The following CLCN1 variants were observed in gnomAD, a reference collection of about 807,000 sequenced individuals.
The protein encoded by CLCN1 is chloride voltage-gated channel 1, also known as chloride channel protein 1.
CLCN1 carries 100 observed loss-of-function variants against 114.5 expected under a neutral mutation model. That is an observed-to-expected ratio of 0.87 (90% CI 0.74 to 1.03). The LOEUF (loss-of-function observed/expected upper bound fraction) is 1.03, where lower values mean the gene tolerates loss of function less well. Ranked by LOEUF, CLCN1 falls within the 50% of genes least tolerant of loss-of-function variation. The probability of loss-of-function intolerance (pLI) is 0.00; values close to 1 mark genes in which losing one functional copy is unlikely to be tolerated. For missense variants in CLCN1, 1,188 were observed against 1,250.0 expected, an observed-to-expected ratio of 0.95 and a Z score of 0.75; for synonymous variants, 485 against 487.1, an observed-to-expected ratio of 1.00 and a Z score of 0.06.
Position 143,339,484 on chromosome 7 carries a change from C to G in CLCN1, c.1472-27C>G. On this transcript the variant is annotated intron_variant, in intron 13 of 22. Transcript: ENST00000343257. This position sits in a 1 kb window ranked among gnomAD's most constrained non-coding sequence, Gnocchi z 4.1. ...AGCAAGGAACTTGGATCTCGTAACA[C>G]CTTCCTTCCTTTTATCTTCCCTCTA... is the stretch of plus-strand genomic sequence containing the variant. 3 of 1,559,314 alleles carry G rather than the reference C, an allele frequency of 1.9e-6. No homozygotes were observed. Among genetic ancestry groups the G allele is most frequent in the East Asian group, 2.2e-5 (1 of 44,668 alleles).
At position 143,331,283 on chromosome 7, in the gene CLCN1, A is replaced by G. The variant is rs762751787; in HGVS notation, c.1031A>G (p.Asp344Gly). 1.9e-5 allele frequency: 31 copies of G among 1,613,514 alleles called. No individual in the cohort carries two copies. Among genetic ancestry groups the G allele is most frequent in the Admixed American group, 3.3e-5 (2 of 60,014 alleles). Residue 344 changes from aspartate (D) to glycine (G), a missense_variant, in exon 9 of 23, where the codon GAC (aspartate) becomes GGC (glycine). Coordinates refer to ENST00000343257, the MANE Select transcript of CLCN1 (RefSeq NM_000083.3). ...RTNFRMDFPFDLKELPAFAAI... is the reference protein window; with the variant it reads ...RTNFRMDFPFGLKELPAFAAI... ...AATTTCCGAATGGATTTCCCCTTTG[A>G]CCTGAAGGAACTACCAGCTTTTGCT...
In CLCN1 at chr7:143,336,568, T is replaced by C. The variant is rs1325330988; in HGVS notation, c.1402-2685T>C. On this transcript the variant is annotated intron_variant, in intron 12 of 22. Coordinates refer to ENST00000343257, the MANE Select transcript of CLCN1 (RefSeq NM_000083.3). Reference sequence around the variant, plus strand: ...GAGGTGGCAGTGAGCTGACACACCATTGCACTCCAGCCTGGGTGACAGAAC... The same window carrying C: ...GAGGTGGCAGTGAGCTGACACACCACTGCACTCCAGCCTGGGTGACAGAAC... 6.1e-5 allele frequency among the ~76,000 whole-genome samples: 8 copies of C among 131,490 alleles called. No homozygotes were observed. In the East Asian group the frequency reaches 1.7e-3, roughly 29 times the overall value. The allele number at this position is 131,490 out of a possible 152,430, so 86.3% of individuals were successfully genotyped here.
chr7:143,336,367 T>G (rs1802890816), intron 12 of CLCN1, among the ~76,000 whole-genome samples: 1 of 150,978 alleles, frequency 6.6e-6, no homozygotes, highest in Non-Finnish European at 1.5e-5. Context: ...CCCAGCACTT[T>G]GGGAGGCCAA....
At chr7:143,332,901 T>C (rs1235426990) in intron 12 of CLCN1, 28 bp downstream of exon 12, 2 of 1,612,356 alleles carry the variant, frequency 1.2e-6, no homozygotes, top group Non-Finnish European at 1.7e-6. Context: ...AGCAACACCC[T>C]AAACCTCCAT....
chr7:143,316,720 C>T (rs73726613), intron 1 of CLCN1, among the ~76,000 whole-genome samples: 2 of 152,190 alleles, frequency 1.3e-5, no homozygotes, highest in East Asian at 3.8e-4. Flanking sequence ...GGAGCCCACA[C>T]TGCAGTGTGC....
rs1459111543 is a variant in CLCN1, at chr7:143,321,320, C to T, written c.434-45C>T. The T allele has an allele frequency of 1.2e-6, 2 of 1,611,770 alleles. No individual in the cohort carries two copies. The highest frequency in any genetic ancestry group is 1.3e-5 in the African/African-American group (1 of 74,864). On this transcript the variant is annotated intron_variant, in intron 3 of 22. Transcript: ENST00000343257. This position sits in a 1 kb window ranked among gnomAD's most constrained non-coding sequence, Gnocchi z 4.2. Reference sequence around the variant, plus strand: ...ACACGTCCTGGTGCCGTGGACACGGCTGCTCAGCCATGTTCTGCCTAACCC... The same window carrying T: ...ACACGTCCTGGTGCCGTGGACACGGTTGCTCAGCCATGTTCTGCCTAACCC...
chr7:143,339,121 A>T lies in CLCN1; in HGVS notation c.1402-132A>T. 1.3e-6 allele frequency: 1 copy of T among 772,764 alleles called. No homozygotes were observed. The highest frequency in any genetic ancestry group is 2.4e-6 in the Non-Finnish European group (1 of 420,140). The allele number at this position is 772,764 out of a possible 1,614,324, so 47.9% of individuals were successfully genotyped here. A position where few individuals can be genotyped will look rare whatever the true frequency, so the allele number is the denominator to read the frequency against. ...CTTTTGTTTCTGGAAGAAGGGTGAC[A>T]GACAAAGTGACTTTCAGAAGGATCA... On this transcript the variant is annotated intron_variant, in intron 12 of 22. Coordinates refer to ENST00000343257, the MANE Select transcript of CLCN1 (RefSeq NM_000083.3). The surrounding 1 kb of genome is among the most constrained non-coding windows in gnomAD (Gnocchi z 4.1).
rs1357866514 is a variant in CLCN1 at position 143,341,595 on chromosome 7, ATTTT to A, written c.1583-333_1583-330del. Among the ~76,000 whole-genome samples the A allele has an allele frequency of 9.7e-5, 8 of 82,382 alleles. No individual in the cohort carries two copies. In the South Asian group the frequency reaches 1.5e-3, roughly 16 times the overall value. The allele number at this position is 82,382 out of a possible 152,430, so 54.0% of individuals were successfully genotyped here. A position where few individuals can be genotyped will look rare whatever the true frequency, so the allele number is the denominator to read the frequency against. On this transcript the variant is annotated intron_variant, in intron 14 of 22. Transcript: ENST00000343257. Reference sequence around the variant, plus strand: ...ATTAATAATAATAATAATAATAATAATTTTAAAAAATAATAAAATAAAATGCTCA... The same window carrying A: ...ATTAATAATAATAATAATAATAATAAAAAAAATAATAAAATAAAATGCTCA...
intron 7 of CLCN1, among the ~76,000 whole-genome samples, chr7:143,327,407 G>C (rs553136753): frequency 7.9e-5 from 12 of 152,190 alleles, no homozygotes; most frequent in African/African-American, 2.9e-4. Context: ...AATACTGTCG[G>C]GGTGAATTAA....
chr7:143,351,935 C>T lies in CLCN1; in HGVS notation c.2937C>T (p.Asp979=), dbSNP rs776873546. ...ILQGPSLRST[D]EEDEDELIL The stretch of plus-strand genomic sequence containing the variant: ...AGGGCCCCAGCCTGCGATCCACAGA[C>T]GAGGAGGATGAGGATGAACTGATCC... The change falls in exon 23 of 23, where the codon GAC becomes GAT. Residue 979 remains aspartate (D), a synonymous_variant. Coordinates refer to ENST00000343257, the MANE Select transcript of CLCN1 (RefSeq NM_000083.3). 2.9e-5 allele frequency: 47 copies of T among 1,613,340 alleles called. No homozygotes were observed. The highest frequency in any genetic ancestry group is 6.7e-5 in the Admixed American group (4 of 60,016).
chr7:143,342,035 T>A lies in CLCN1; in HGVS notation c.1689T>A (p.Val563=), dbSNP rs371701131. 88 of 1,614,064 alleles carry A rather than the reference T, an allele frequency of 5.5e-5. No individual in the cohort carries two copies. Among genetic ancestry groups the A allele is most frequent in the Non-Finnish European group, 7.0e-5 (83 of 1,180,046 alleles). ...IAHILPMMVA[V]ILANMVAQSL... The stretch of plus-strand genomic sequence containing the variant: ...ACATCCTGCCCATGATGGTGGCTGT[T>A]ATCTTGGCCAACATGGTGGCCCAGA... Residue 563 remains valine, a synonymous_variant, in exon 15 of 23, where the codon GTT becomes GTA. Coordinates refer to ENST00000343257, the MANE Select transcript of CLCN1 (RefSeq NM_000083.3).
Position 143,323,389 on chromosome 7 carries a change from A to G in CLCN1, c.774+3A>G. ...CTGTGTTCTGCGGGGTATATGAGGT[A>G]AGGTTGAGACAGTGAAATGAGCTGG... On this transcript the variant is annotated splice_donor_region_variant and intron_variant, in intron 6 of 22. Coordinates refer to ENST00000343257, the MANE Select transcript of CLCN1 (RefSeq NM_000083.3). The G allele has an allele frequency of 6.2e-7, 1 of 1,606,894 alleles. No individual in the cohort carries two copies. The highest frequency in any genetic ancestry group is 8.5e-7 in the Non-Finnish European group (1 of 1,173,580).
chr7:143,349,610 G>T (rs1803342340), intron 20 of CLCN1, among the ~76,000 whole-genome samples: 1 of 152,204 alleles, frequency 6.6e-6, no homozygotes, highest in East Asian at 1.9e-4. Context: ...TAATGCTTCT[G>T]TCATAGACAA....
intron 2 of CLCN1, 84 bp from the exon 3 acceptor site, chr7:143,320,580 T>C: frequency 8.6e-7 from 1 of 1,166,960 alleles, no homozygotes; most frequent in Non-Finnish European, 1.2e-6. Context: ...TCTCTCTCTC[T>C]CTCTCTGTCT....
Position 143,345,706 on chromosome 7 carries a change from G to T in CLCN1, c.2116G>T (p.Glu706Ter), listed in dbSNP as rs971824036. The change falls in exon 17 of 23, where the codon GAG becomes TAG. Residue 706 changes from glutamate (E) to a stop codon, truncating the protein, a stop_gained. Transcript: ENST00000343257. LOFTEE classifies it high-confidence loss of function. ...GLPGAPPGRP[E>*]SFAFVDEDED... is the part of the protein sequence containing the mutation. ...CCCCGGCGCGCCTCCAGGCCGGCCCGAGTCCTTCGCCTTTGTGGATGAGGA... is the reference window on the plus strand; with the variant it reads ...CCCCGGCGCGCCTCCAGGCCGGCCCTAGTCCTTCGCCTTTGTGGATGAGGA... The T allele has an allele frequency of 1.3e-6, 2 of 1,566,822 alleles. No homozygotes were observed. Among genetic ancestry groups the T allele is most frequent in the Admixed American group, 1.9e-5 (1 of 52,442 alleles).
chr7:143,340,732 C>T (rs974286770), intron 14 of CLCN1, among the ~76,000 whole-genome samples: 2 of 152,086 alleles, frequency 1.3e-5, no homozygotes, highest in Admixed American at 6.6e-5. Flanking sequence ...GGGGTTTCAC[C>T]ATATTGGCCA....
chr7:143,317,158 T>C lies in CLCN1; in HGVS notation c.180+766T>C, dbSNP rs1375845672. Among the ~76,000 whole-genome samples, 2 of 151,674 alleles carry C rather than the reference T, an allele frequency of 1.3e-5. No homozygotes were observed. Among genetic ancestry groups the C allele is most frequent in the African/African-American group, 2.4e-5 (1 of 41,218 alleles). The stretch of plus-strand genomic sequence containing the variant: ...AATTGTCATGGAAAAAGATAGGTCA[T>C]GGTTAATAAGTAAGTGTGCCTCTCC... On this transcript the variant is annotated intron_variant, in intron 1 of 22. Transcript: ENST00000343257.
intron 2 of CLCN1, 39 bp downstream of exon 2, chr7:143,319,914 A>G: frequency 1.2e-6 from 2 of 1,609,528 alleles, no homozygotes; most frequent in Middle Eastern, 1.7e-4. Context: ...TGGAGTAGAA[A>G]CAGGTACAGG....
At chr7:143,320,265 A>AT (rs1802389628) in intron 2 of CLCN1, among the ~76,000 whole-genome samples, 1 of 152,150 alleles carries the variant, frequency 6.6e-6, no homozygotes, top group Admixed American at 6.5e-5. Flanking sequence ...GTGAGCCACC[A>AT]TGCTTGGCCC....
Sources: gnomAD v4.1 joint callset for allele counts (sites outside exome capture counted in the v4.1 genomes callset) on GRCh38, gnomAD v4.1.1 for gene constraint, Gnocchi (gnomAD v3.1) non-coding constraint, MANE v1.5 for transcripts, NCBI Gene and HGNC (gene_info 2026-07-23, HGNC 2026-07-21) for gene names.